Variants in KIF13A observed in about 807,000 individuals in gnomAD.
KIF13A encodes the protein kinesin family member 13A, also known as kinesin-like protein KIF13A.
In KIF13A, 79 loss-of-function variants were observed where a neutral mutation model predicts 212.2. That is an observed-to-expected ratio of 0.37 (90% confidence interval 0.31 to 0.45). KIF13A has a LOEUF of 0.45. Among genes scored for constraint, KIF13A ranks in the 20% least tolerant of loss-of-function variants. KIF13A has a pLI of 1.00. For missense variants in KIF13A, 1,901 were observed against 2,209.0 expected (o/e 0.86, Z 2.79); for synonymous variants, 789 against 808.6 (o/e 0.98, Z 0.41).
chr6:17,934,981 T>C lies in KIF13A; in HGVS notation c.147-36801A>G, dbSNP rs1452314563. Among the ~76,000 whole-genome samples, 1 of 152,106 alleles carries C rather than the reference T, an allele frequency of 6.6e-6. No homozygotes were observed. The highest frequency in any genetic ancestry group is 1.5e-5 in the Non-Finnish European group (1 of 68,020). ...ACTGCAATACCTGAAGCAAGTTCCT[T>C]TACACCTGTGCTCCAGGCTTCCCAC... is the stretch of plus-strand genomic sequence containing the variant. On this transcript the variant is annotated intron_variant, in intron 2 of 38. Transcript: ENST00000259711. This position sits in a 1 kb window ranked among gnomAD's most constrained non-coding sequence, Gnocchi z 5.4.
chr6:17,958,591 A>G (rs1445859576), intron 2 of KIF13A, among the ~76,000 whole-genome samples: 1 of 152,230 alleles, frequency 6.6e-6, no homozygotes, highest in African/African-American at 2.4e-5. Flanking sequence ...CGCAAAGACA[A>G]TATGTATTTG....
chr6:17,978,516 T>A (rs1301030675), intron 2 of KIF13A, among the ~76,000 whole-genome samples: 4 of 152,240 alleles, frequency 2.6e-5, no homozygotes, highest in South Asian at 2.1e-4. Context: ...ATTTCTTATA[T>A]GCCAAGGTAC....
At chr6:17,864,653 G>C (rs1394433993) in intron 4 of KIF13A, among the ~76,000 whole-genome samples, 1 of 152,108 alleles carries the variant, frequency 6.6e-6, no homozygotes, top group Non-Finnish European at 1.5e-5. Flanking sequence ...ACCACTTATG[G>C]CTAATTTTTT....
chr6:17,889,514 T>A (rs1441024511), intron 3 of KIF13A, among the ~76,000 whole-genome samples: 1 of 152,226 alleles, frequency 6.6e-6, no homozygotes, highest in Non-Finnish European at 1.5e-5. Flanking sequence ...AAAAAGAATA[T>A]GATCCTACAC....
chr6:17,911,137 C>T (rs558295918), intron 2 of KIF13A, among the ~76,000 whole-genome samples: 1 of 152,184 alleles, frequency 6.6e-6, no homozygotes, highest in Non-Finnish European at 1.5e-5. Context: ...AGAGGTATAA[C>T]AGTTTATAAA....
rs751459888 is a variant in KIF13A, at chr6:17,825,746, G to C, written c.1786+22C>G. 1.1e-4 allele frequency: 171 copies of C among 1,604,342 alleles called. No individual in the cohort carries two copies. Among genetic ancestry groups the C allele is most frequent in the Non-Finnish European group, 1.4e-4 (166 of 1,174,974 alleles). On this transcript the variant is annotated intron_variant, in intron 16 of 38. Transcript: ENST00000259711. The surrounding 1 kb of genome is among the most constrained non-coding windows in gnomAD (Gnocchi z 4.5). ...AGGTGAGGAAATGCCCAAGGCGCTG[G>C]AACACAGAGTGAGGGTCTTACCATT...
Position 17,855,623 on chromosome 6 carries a change from G to GA in KIF13A, c.314-7dup. ...GGAAAAGGATTTTCCCGAACCTGGA[G>GA]AACAGCAAGGAAAAAGAAGAACAGG... On this transcript the variant is annotated splice_region_variant and splice_polypyrimidine_tract_variant and intron_variant, in intron 5 of 38. Transcript: ENST00000259711. This position sits in a 1 kb window ranked among gnomAD's most constrained non-coding sequence, Gnocchi z 4.1. 1.3e-6 allele frequency: 2 copies of GA among 1,594,656 alleles called. No homozygotes were observed. The highest frequency in any genetic ancestry group is 1.7e-6 in the Non-Finnish European group (2 of 1,173,548).
At chr6:17,893,515 T>G (rs1455660044) in intron 3 of KIF13A, among the ~76,000 whole-genome samples, 3 of 152,250 alleles carry the variant, frequency 2.0e-5, no homozygotes, top group African/African-American at 7.2e-5. Flanking sequence ...TATACAACCT[T>G]ATTGTACCTT....
At chr6:17,774,610 C>A (rs1759776327) in intron 35 of KIF13A, among the ~76,000 whole-genome samples, 1 of 152,096 alleles carries the variant, frequency 6.6e-6, no homozygotes, top group African/African-American at 2.4e-5. Flanking sequence ...TCCATCTCTA[C>A]TAAAAATACA....
intron 4 of KIF13A, among the ~76,000 whole-genome samples, chr6:17,865,939 C>T (rs1769321493): frequency 6.6e-6 from 1 of 152,170 alleles, no homozygotes; most frequent in African/African-American, 2.4e-5. Context: ...TGGCCATGAG[C>T]ATGGTCTTTT....
chr6:17,786,533 G>A lies in KIF13A; in HGVS notation c.3362-892C>T, dbSNP rs751957913. Among the ~76,000 whole-genome samples the A allele has an allele frequency of 1.3e-5, 2 of 152,126 alleles. No individual in the cohort carries two copies. The highest frequency in any genetic ancestry group is 6.5e-5 in the Admixed American group (1 of 15,268). On this transcript the variant is annotated intron_variant, in intron 27 of 38. Transcript: ENST00000259711. The surrounding 1 kb of genome is among the most constrained non-coding windows in gnomAD (Gnocchi z 5.4). ...GAGAATTGCTTGAACCTGGGAGGAGGAGGTTGCAGTGGGCCAAGATCATGC... is the reference window on the plus strand; with the variant it reads ...GAGAATTGCTTGAACCTGGGAGGAGAAGGTTGCAGTGGGCCAAGATCATGC...
chr6:17,761,877 T>A (rs1758602142), downstream of KIF13A, among the ~76,000 whole-genome samples: 1 of 152,054 alleles, frequency 6.6e-6, no homozygotes, highest in Non-Finnish European at 1.5e-5. Flanking sequence ...TCTTCCCTCT[T>A]CTATGGGCAG....
rs1453328379 is a variant in KIF13A at position 17,773,983 on chromosome 6, G to A, written c.4219-400C>T. 6.6e-6 allele frequency among the ~76,000 whole-genome samples: 1 copy of A among 152,148 alleles called. No individual in the cohort carries two copies. The highest frequency in any genetic ancestry group is 1.9e-4 in the East Asian group (1 of 5,192). ...AACTGTTCCATTAGTAATTCTGCCTGGGTAGAAGGCACAGCTGAGACTGTC... is the reference window on the plus strand; with the variant it reads ...AACTGTTCCATTAGTAATTCTGCCTAGGTAGAAGGCACAGCTGAGACTGTC... On this transcript the variant is annotated intron_variant, in intron 35 of 38. Transcript: ENST00000259711. The surrounding 1 kb of genome is among the most constrained non-coding windows in gnomAD (Gnocchi z 4.2).
rs1769388642 is a variant in KIF13A, at chr6:17,866,562, T to A, written c.220+6815A>T. On this transcript the variant is annotated intron_variant, in intron 4 of 38. Coordinates refer to ENST00000259711, the MANE Select transcript of KIF13A (RefSeq NM_022113.6). ...TTTCTTATCTGTAAAATGGGGGCAG[T>A]AATAGTTTCTACCTGACTGGGTGCT... Among the ~76,000 whole-genome samples the A allele has an allele frequency of 3.3e-5, 5 of 152,164 alleles. No homozygotes were observed. The South Asian group carries it at 1.0e-3, about 32-fold the overall frequency.
At chr6:17,864,879 GC>G (rs1769204109) in intron 4 of KIF13A, among the ~76,000 whole-genome samples, 2 of 152,168 alleles carry the variant, frequency 1.3e-5, no homozygotes, top group African/African-American at 2.4e-5. Flanking sequence ...TAGGCTCAAA[GC>G]CACCATGTGT....
chr6:17,869,646 T>C (rs1170214086), intron 4 of KIF13A, among the ~76,000 whole-genome samples: 2 of 150,766 alleles, frequency 1.3e-5, no homozygotes, highest in Non-Finnish European at 3.0e-5. Flanking sequence ...ATACCCCCAC[T>C]AGAGAATTAC....
At chr6:17,844,566 A>G (rs1304323398) in intron 9 of KIF13A, among the ~76,000 whole-genome samples, 2 of 152,186 alleles carry the variant, frequency 1.3e-5, no homozygotes, top group African/African-American at 2.4e-5. Context: ...CTTTCTCAAA[A>G]TAACTTGTCC....
rs1426096164 is a variant in KIF13A, at chr6:17,816,541, C to T, written c.2000+479G>A. On this transcript the variant is annotated intron_variant, in intron 17 of 38. Transcript: ENST00000259711. The surrounding 1 kb of genome is among the most constrained non-coding windows in gnomAD (Gnocchi z 4.3). ...CTATGTTGCCTGGGCTGGATTCAAACTCCTGGGCTTAAGTGATCCTCCCGC... is the reference window on the plus strand; with the variant it reads ...CTATGTTGCCTGGGCTGGATTCAAATTCCTGGGCTTAAGTGATCCTCCCGC... 6.6e-6 allele frequency among the ~76,000 whole-genome samples: 1 copy of T among 152,070 alleles called. No homozygotes were observed. The highest frequency in any genetic ancestry group is 1.9e-4 in the East Asian group (1 of 5,180).
chr6:17,909,042 G>C (rs1274798765), intron 2 of KIF13A, among the ~76,000 whole-genome samples: 1 of 152,106 alleles, frequency 6.6e-6, no homozygotes, highest in Non-Finnish European at 1.5e-5. Flanking sequence ...AGGTGGCGTG[G>C]GTAATGCTGT....
Sources: allele counts gnomAD v4.1 joint callset (sites outside exome capture counted in the v4.1 genomes callset), GRCh38; gene constraint gnomAD v4.1.1; non-coding constraint Gnocchi (gnomAD v3.1); transcripts MANE v1.5; gene names NCBI Gene and HGNC (gene_info 2026-07-23, HGNC 2026-07-21).